The following EXOC6B variants were observed in gnomAD, a reference collection of about 807,000 sequenced individuals.
EXOC6B encodes the protein SEC15 homolog B.
Under a neutral mutation model 113.5 loss-of-function variants are expected in EXOC6B, and 54 were observed. That is an observed-to-expected ratio of 0.48 (90% confidence interval 0.38 to 0.60). EXOC6B has a LOEUF of 0.60. Ranked by LOEUF, EXOC6B falls within the 20% of genes least tolerant of loss-of-function variation. The pLI, the probability that EXOC6B is intolerant of heterozygous loss-of-function variation, is 0.00. For synonymous variants in EXOC6B, 357 were observed against 339.0 expected, an observed-to-expected ratio of 1.05 and a Z score of -0.58; for missense variants, 797 against 977.5, an observed-to-expected ratio of 0.82 and a Z score of 2.46.
At chr2:72,544,832 A>G (rs1303743144) in intron 8 of EXOC6B, among the ~76,000 whole-genome samples, 1 of 152,132 alleles carries the variant, frequency 6.6e-6, no homozygotes, top group Non-Finnish European at 1.5e-5. Context: ...CTGGTAAAAT[A>G]AAGTATTGGT....
At chr2:72,516,980 A>G (rs956032110) in intron 8 of EXOC6B, among the ~76,000 whole-genome samples, 4 of 152,230 alleles carry the variant, frequency 2.6e-5, no homozygotes, top group Non-Finnish European at 5.9e-5. Context: ...AAAATTGAAG[A>G]ACTTTATTCA....
At chr2:72,204,406 G>A (rs545432631) in intron 20 of EXOC6B, among the ~76,000 whole-genome samples, 3 of 152,302 alleles carry the variant, frequency 2.0e-5, no homozygotes, top group African/African-American at 7.2e-5. Context: ...CCAAAAGGCA[G>A]AGAATGGGTG....
chr2:72,712,481 G>C (rs1269445841), intron 6 of EXOC6B, among the ~76,000 whole-genome samples: 1 of 152,118 alleles, frequency 6.6e-6, no homozygotes, highest in Non-Finnish European at 1.5e-5. Context: ...AAGCTATTAA[G>C]GTTGTTGGCA....
rs144492736 is a variant in EXOC6B at position 72,259,562 on chromosome 2, T to A, written c.2197-75375A>T. On this transcript the variant is annotated intron_variant, in intron 20 of 21. Transcript: ENST00000272427. ...AACAACTATGATTGCATGTGCTGGG[T>A]TATAAGGTAAGTACCTGTTTACTTT... Among the ~76,000 whole-genome samples, 104 of 152,326 alleles carry A rather than the reference T, an allele frequency of 6.8e-4. No homozygotes were observed. The East Asian group carries it at 8.9e-3, about 13-fold the overall frequency.
At chr2:72,702,191 A>C (rs1039086455) in intron 6 of EXOC6B, among the ~76,000 whole-genome samples, 11 of 150,660 alleles carry the variant, frequency 7.3e-5, no homozygotes, top group African/African-American at 1.5e-4. Context: ...TTGTTCTTGC[A>C]ATAGTTTACT....
At chr2:72,215,799 C>A (rs1363641394) in intron 20 of EXOC6B, among the ~76,000 whole-genome samples, 2 of 151,946 alleles carry the variant, frequency 1.3e-5, no homozygotes, top group Non-Finnish European at 2.9e-5. Flanking sequence ...GAAAAGGCCT[C>A]CTTCTGGAGG....
At chr2:72,199,222 G>T (rs1394341109) in intron 20 of EXOC6B, among the ~76,000 whole-genome samples, 1 of 152,100 alleles carries the variant, frequency 6.6e-6, no homozygotes, top group Non-Finnish European at 1.5e-5. Flanking sequence ...AGATTTTCAA[G>T]GTGATTTTAT....
rs556923463 is a variant in EXOC6B at position 72,278,674 on chromosome 2, C to T, written c.2196+56273G>A. Among the ~76,000 whole-genome samples the T allele has an allele frequency of 4.0e-3, 615 of 152,234 alleles. 4 individuals are homozygous for T. The highest frequency in any genetic ancestry group is 0.015 in the South Asian group (71 of 4,820). Reference sequence around the variant, plus strand: ...ATTGAGAACACTTTGGCATCTGTTTCTCATCTCTGTAGGTGGCATAATAAT... The same window carrying T: ...ATTGAGAACACTTTGGCATCTGTTTTTCATCTCTGTAGGTGGCATAATAAT... On this transcript the variant is annotated intron_variant, in intron 20 of 21. Coordinates refer to ENST00000272427, the MANE Select transcript of EXOC6B (RefSeq NM_015189.3).
chr2:72,557,570 T>A (rs1190753869), intron 8 of EXOC6B, among the ~76,000 whole-genome samples: 1 of 152,162 alleles, frequency 6.6e-6, no homozygotes, highest in Non-Finnish European at 1.5e-5. Flanking sequence ...TATCCCATGT[T>A]CTCACTTATA....
At chr2:72,563,082 T>G (rs1039088740) in intron 7 of EXOC6B, among the ~76,000 whole-genome samples, 3 of 152,142 alleles carry the variant, frequency 2.0e-5, no homozygotes, top group Non-Finnish European at 4.4e-5. Flanking sequence ...AACTAAGATA[T>G]CTGTGCCTCA....
intron 18 of EXOC6B, among the ~76,000 whole-genome samples, chr2:72,415,520 CTT>C (rs1250123251): frequency 1.1e-4 from 16 of 141,288 alleles, no homozygotes; most frequent in Non-Finnish European, 1.1e-4. Flanking sequence ...TCTGTGGTTT[CTT>C]TTTTTTTTTT....
At chr2:72,241,498 A>G (rs72835276) in intron 20 of EXOC6B, among the ~76,000 whole-genome samples, 36,492 of 152,126 alleles carry the variant, frequency 0.24, 7,834 homozygotes, top group African/African-American at 0.58. Flanking sequence ...CAGATCCAGG[A>G]ATCTTGGAGA....
chr2:72,507,942 A>C (rs1700683113), intron 11 of EXOC6B, among the ~76,000 whole-genome samples: 1 of 151,664 alleles, frequency 6.6e-6, no homozygotes, highest in Middle Eastern at 3.4e-3. Context: ...AACACAAAAA[A>C]ACATTGCTTT....
At chr2:72,716,862 T>C (rs1477297920) in intron 6 of EXOC6B, among the ~76,000 whole-genome samples, 3 of 152,124 alleles carry the variant, frequency 2.0e-5, no homozygotes, top group Non-Finnish European at 2.9e-5. Flanking sequence ...GAAAAAGCAA[T>C]TTTTAAAAAG....
chr2:72,785,032 G>A (rs748174694), intron 1 of EXOC6B, among the ~76,000 whole-genome samples: 1 of 152,196 alleles, frequency 6.6e-6, no homozygotes, highest in Non-Finnish European at 1.5e-5. Context: ...CCAAATGGGA[G>A]AAATTGGCCA....
intron 19 of EXOC6B, among the ~76,000 whole-genome samples, chr2:72,344,558 A>G (rs1414278721): frequency 6.6e-6 from 1 of 152,128 alleles, no homozygotes; most frequent in Admixed American, 6.6e-5. Flanking sequence ...CAACTTTGGA[A>G]AAAAAATTCT....
chr2:72,294,358 C>T (rs1419146561), intron 20 of EXOC6B, among the ~76,000 whole-genome samples: 1 of 151,896 alleles, frequency 6.6e-6, no homozygotes, highest in Non-Finnish European at 1.5e-5. Context: ...AGAAGCAGAC[C>T]ACCAAGAATC....
intron 17 of EXOC6B, 88 bp from the exon 18 acceptor site, chr2:72,465,427 T>C (rs1427576176): frequency 3.1e-6 from 3 of 957,432 alleles, no homozygotes; most frequent in South Asian, 1.7e-5. Context: ...GACATATCCA[T>C]TAAGTAACTG....
intron 1 of EXOC6B, among the ~76,000 whole-genome samples, chr2:72,774,125 G>T (rs367904397): frequency 2.6e-5 from 4 of 152,042 alleles, no homozygotes; most frequent in Admixed American, 1.3e-4. Flanking sequence ...TCCAAATATT[G>T]ATATATTTCA....
Sources: gnomAD v4.1 joint callset for allele counts (sites outside exome capture counted in the v4.1 genomes callset) on GRCh38, gnomAD v4.1.1 for gene constraint, MANE v1.5 for transcripts, NCBI Gene and HGNC (gene_info 2026-07-23, HGNC 2026-07-21) for gene names.